The following DGKK variants were observed in gnomAD, a reference collection of about 807,000 sequenced individuals.
DGKK encodes the protein diacylglycerol kinase kappa.
A neutral mutation model predicts 92.2 loss-of-function variants in DGKK; 35 were observed. The observed-to-expected ratio is 0.38, with a 90% CI of 0.29 to 0.50. The LOEUF (loss-of-function observed/expected upper bound fraction) is 0.50, where lower values mean the gene tolerates loss of function less well. DGKK is among the 20% of genes least tolerant of loss of function. The probability of loss-of-function intolerance (pLI) is 0.92; values close to 1 mark genes in which losing one functional copy is unlikely to be tolerated. For missense variants in DGKK, 910 were observed against 992.2 expected, an observed-to-expected ratio of 0.92 and a Z score of 1.11; for synonymous variants, 368 against 360.6, an observed-to-expected ratio of 1.02 and a Z score of -0.23.
intron 3 of DGKK, among the ~76,000 whole-genome samples, chrX:50,421,812 C>T (rs1925595887): frequency 8.9e-6 from 1 of 112,089 alleles, no homozygotes; most frequent in African/African-American, 3.2e-5. Flanking sequence ...TAAGCAGGAA[C>T]TCCAGTCTCC....
chrX:50,428,330 CCTT>C (rs1452904519), intron 1 of DGKK, among the ~76,000 whole-genome samples: 1 of 110,707 alleles, frequency 9.0e-6, no homozygotes, highest in African/African-American at 3.3e-5. Context: ...TGGGAACTGT[CCTT>C]CTTTTGCCTA....
Position 50,470,412 on chromosome X carries a change from C to T in DGKK, c.267G>A (p.Pro89=). The T allele has an allele frequency of 8.3e-7, 1 of 1,208,525 alleles. No homozygotes were observed. The highest frequency in any genetic ancestry group is 1.1e-6 in the Non-Finnish European group (1 of 892,212). The part of the protein sequence containing the change: ...TEPTPEPATE[P]ASEPAPEPAT... Reference sequence around the variant, plus strand: ...CAGGTTCTGGGGCCGGTTCTGAGGCCGGCTCTGTGGCTGGTTCTGGGGTCG... The same window carrying T: ...CAGGTTCTGGGGCCGGTTCTGAGGCTGGCTCTGTGGCTGGTTCTGGGGTCG... Residue 89 remains proline (P), a synonymous_variant, in exon 1 of 28, where the codon CCG becomes CCA. Coordinates refer to ENST00000611977, the MANE Select transcript of DGKK (RefSeq NM_001013742.4).
At chrX:50,380,421 C>G (rs1352915246) in intron 18 of DGKK, among the ~76,000 whole-genome samples, 1 of 110,983 alleles carries the variant, frequency 9.0e-6, no homozygotes. Context: ...ACCAGCTACC[C>G]TAGTTGTGCT....
rs185886838 is a variant in DGKK, at chrX:50,378,191, G to A, written c.3018C>T (p.Ile1006=). The change falls in exon 22 of 28, where the codon ATC becomes ATT. Residue 1006 remains isoleucine (I), a synonymous_variant. Coordinates refer to ENST00000611977, the MANE Select transcript of DGKK (RefSeq NM_001013742.4). ...AGGCCTCCCCATCCACCTGCACTGG[G>A]ATACCTTCTTCACCATCAATGGTTA... ...VMITIDGEEG[I]PVQVDGEAWI... 4.2e-5 allele frequency: 51 copies of A among 1,208,556 alleles called. No homozygotes were observed. The African/African-American group carries it at 8.6e-4, about 20-fold the overall frequency.
chrX:50,456,591 G>A (rs1206018973), intron 1 of DGKK, among the ~76,000 whole-genome samples: 1 of 112,000 alleles, frequency 8.9e-6, no homozygotes, highest in East Asian at 2.8e-4. Flanking sequence ...TTATTATGCT[G>A]TATTTAGTGT....
chrX:50,366,393 G>A lies in DGKK; in HGVS notation c.*2547C>T, dbSNP rs782079618. 2 of 111,661 alleles carry A rather than the reference G, an allele frequency of 1.8e-5. No individual in the cohort carries two copies. The highest frequency in any genetic ancestry group is 7.6e-4 in the South Asian group (2 of 2,627). The allele number at this position is 111,661 out of a possible 1,213,427, so 9.2% of individuals were successfully genotyped here. On this transcript the variant is annotated 3_prime_UTR_variant, in exon 28 of 28. Transcript: ENST00000611977. ...GTCATCTATCAACTGTGCTCCATGA[G>A]CTGACTCTAGCCCCAAATACTAGTG...
intron 20 of DGKK, among the ~76,000 whole-genome samples, chrX:50,379,127 C>T (rs1924347061): frequency 9.0e-6 from 1 of 111,256 alleles, no homozygotes; most frequent in East Asian, 2.8e-4. Flanking sequence ...GGTCAACAAG[C>T]CTGGTCAACA....
intron 1 of DGKK, among the ~76,000 whole-genome samples, chrX:50,447,086 T>C (rs896713662): frequency 1.2e-4 from 12 of 103,776 alleles, no homozygotes; most frequent in African/African-American, 3.8e-4. Context: ...CCATGCCTGA[T>C]GTGCATGGGG....
At chrX:50,442,662 C>T (rs1569544970) in intron 1 of DGKK, among the ~76,000 whole-genome samples, 1 of 111,263 alleles carries the variant, frequency 9.0e-6, no homozygotes, top group Admixed American at 9.6e-5. Flanking sequence ...TAACAAATTA[C>T]CACAAACTTA....
intron 1 of DGKK, among the ~76,000 whole-genome samples, chrX:50,429,509 C>T (rs1557230047): frequency 9.0e-6 from 1 of 111,391 alleles, no homozygotes; most frequent in African/African-American, 3.3e-5. Flanking sequence ...CACGGTGAAA[C>T]CCCGTCTCTA....
chrX:50,395,644 G>C (rs1176513046), intron 8 of DGKK, among the ~76,000 whole-genome samples: 1 of 110,979 alleles, frequency 9.0e-6, no homozygotes, highest in Non-Finnish European at 1.9e-5. Context: ...TAGTTTCCCA[G>C]TGTTTAGATG....
Position 50,470,196 on chromosome X carries a change from C to T in DGKK, c.483G>A (p.Leu161=). 9.9e-6 allele frequency: 12 copies of T among 1,211,867 alleles called. No homozygotes were observed. Among genetic ancestry groups the T allele is most frequent in the Non-Finnish European group, 1.3e-5 (12 of 895,459 alleles). ...CCGCCTCAGGGCAGAACTCTGGGGC[C>T]AGCTCTGTCACAGGTTCTGGGGTCG... ...PEPTPEPVTE[L]APEFCPEAAP... is the part of the protein sequence containing the mutation. The change falls in exon 1 of 28, where the codon CTG becomes CTA. Residue 161 remains leucine, a synonymous_variant. Transcript: ENST00000611977.
chrX:50,450,566 G>T (rs1463094967), intron 1 of DGKK, among the ~76,000 whole-genome samples: 4 of 111,933 alleles, frequency 3.6e-5, no homozygotes, highest in Non-Finnish European at 7.5e-5. Context: ...ATAATCATTT[G>T]TCTGTCTTCT....
chrX:50,456,913 G>A (rs1204682886), intron 1 of DGKK, among the ~76,000 whole-genome samples: 1 of 111,777 alleles, frequency 8.9e-6, no homozygotes, highest in African/African-American at 3.3e-5. Flanking sequence ...AGCAGTGAAG[G>A]CCTGCTGGAT....
In DGKK at chrX:50,377,926, G is replaced by A. The variant is rs781831411; in HGVS notation, c.3111+172C>T. Among the ~76,000 whole-genome samples the A allele has an allele frequency of 6.3e-5, 7 of 111,174 alleles. 1 individual carries two copies. In the South Asian group the frequency reaches 2.7e-3, roughly 43 times the overall value. On this transcript the variant is annotated intron_variant, in intron 22 of 27. Transcript: ENST00000611977. ...ACTATGCAACCCTATGTGGTTCAGT[G>A]GGTCTGGTGTGGGGGCCCAAGAATG...
Position 50,391,083 on chromosome X carries a change from T to C in DGKK, c.1844+354A>G, listed in dbSNP as rs1934193. Among the ~76,000 whole-genome samples, 582 of 111,554 alleles carry C rather than the reference T, an allele frequency of 5.2e-3. 2 individuals carry two copies. Among genetic ancestry groups the C allele is most frequent in the Non-Finnish European group, 8.6e-3 (455 of 53,064 alleles). ...ATGGGGCCCCTGCTCTAGAATCGTC[T>C]AGTTTTTTTGGTGTTTTTGTTGTTG... On this transcript the variant is annotated intron_variant, in intron 11 of 27. Coordinates refer to ENST00000611977, the MANE Select transcript of DGKK (RefSeq NM_001013742.4).
intron 1 of DGKK, among the ~76,000 whole-genome samples, chrX:50,446,042 A>G (rs1926298285): frequency 9.0e-6 from 1 of 110,874 alleles, no homozygotes; most frequent in Non-Finnish European, 1.9e-5. Context: ...CTTTTATGGC[A>G]ATGGTGAATG....
At chrX:50,381,613 A>G (rs1163071412) in intron 18 of DGKK, among the ~76,000 whole-genome samples, 1 of 112,468 alleles carries the variant, frequency 8.9e-6, no homozygotes, top group Non-Finnish European at 1.9e-5. Flanking sequence ...TCATACACTT[A>G]AATGTATTAA....
At chrX:50,448,755 G>A (rs1454541867) in intron 1 of DGKK, among the ~76,000 whole-genome samples, 1 of 111,068 alleles carries the variant, frequency 9.0e-6, no homozygotes, top group Non-Finnish European at 1.9e-5. Context: ...CACAGTTGAA[G>A]GTGTCCCAAC....
Sources: allele counts gnomAD v4.1 joint callset (sites outside exome capture counted in the v4.1 genomes callset), GRCh38; gene constraint gnomAD v4.1.1; transcripts MANE v1.5; gene names NCBI Gene and HGNC (gene_info 2026-07-23, HGNC 2026-07-21).